GFPT1: variants seen among roughly 807,000 people sequenced by gnomAD.
GFPT1 encodes the protein glutamine--fructose-6-phosphate aminotransferase [isomerizing] 1.
GFPT1 carries 40 observed loss-of-function variants against 92.0 expected under a neutral mutation model. The observed-to-expected ratio is 0.43, with a 90% CI of 0.34 to 0.57. The LOEUF (loss-of-function observed/expected upper bound fraction) is 0.57, where lower values mean the gene tolerates loss of function less well. Among genes scored for constraint, GFPT1 ranks in the 20% least tolerant of loss-of-function variants. GFPT1 has a pLI of 0.02. For missense variants in GFPT1, 448 were observed against 869.1 expected, an observed-to-expected ratio of 0.52 and a Z score of 6.09; for synonymous variants, 269 against 280.6, an observed-to-expected ratio of 0.96 and a Z score of 0.41.
intron 5 of GFPT1, among the ~76,000 whole-genome samples, chr2:69,358,909 C>T (rs73937254): frequency 0.023 from 3,442 of 152,180 alleles, 137 homozygotes; most frequent in African/African-American, 0.077. Context: ...TAGCTATTTA[C>T]GACATAAAAC....
Position 69,365,257 on chromosome 2 carries a change from CA to C in GFPT1, c.224-1588del, listed in dbSNP as rs369115433. Among the ~76,000 whole-genome samples, 532 of 152,170 alleles carry C rather than the reference CA, an allele frequency of 3.5e-3. 3 individuals are homozygous for C. Among genetic ancestry groups the C allele is most frequent in the African/African-American group, 0.012 (514 of 41,520 alleles). ...CTTTGGGAGGCTGAGGCAGGTGGAT[CA>C]CCAGAGGTCAGGAGTTTAAGACCAG... On this transcript the variant is annotated intron_variant, in intron 3 of 19. Transcript: ENST00000357308.
chr2:69,328,970 G>T (rs1328460954), intron 17 of GFPT1, among the ~76,000 whole-genome samples: 3 of 152,122 alleles, frequency 2.0e-5, no homozygotes, highest in African/African-American at 7.2e-5. Context: ...CTCCCAAAGT[G>T]CTGGGATTAT....
chr2:69,327,765 G>T (rs1005485659), intron 18 of GFPT1, among the ~76,000 whole-genome samples: 1 of 152,134 alleles, frequency 6.6e-6, no homozygotes, highest in African/African-American at 2.4e-5. Context: ...TTCTGGTCTT[G>T]GTTCTGCCCA....
chr2:69,377,557 G>A (rs1243805908), intron 1 of GFPT1, among the ~76,000 whole-genome samples: 1 of 151,750 alleles, frequency 6.6e-6, no homozygotes, highest in African/African-American at 2.4e-5. Context: ...CTACTCGGGA[G>A]GCTGAGGCAC....
In GFPT1 at chr2:69,321,929, T is replaced by C. The variant is rs372862489; in HGVS notation, c.*4260A>G. ...TAATTTTACAATCGTACTTTCACTA[T>C]GATTTTTATTTTAACCCTGGATATT... On this transcript the variant is annotated 3_prime_UTR_variant, in exon 20 of 20. Coordinates refer to ENST00000357308, the MANE Select transcript of GFPT1 (RefSeq NM_001244710.2). 8.5e-5 allele frequency: 13 copies of C among 152,336 alleles called. No homozygotes were observed. Among genetic ancestry groups the C allele is most frequent in the African/African-American group, 2.9e-4 (12 of 41,586 alleles). The allele number at this position is 152,336 out of a possible 1,614,324, so 9.4% of individuals were successfully genotyped here. A position where few individuals can be genotyped will look rare whatever the true frequency, so the allele number is the denominator to read the frequency against.
intron 11 of GFPT1, among the ~76,000 whole-genome samples, chr2:69,346,578 A>G (rs1671087914): frequency 6.6e-6 from 1 of 152,092 alleles, no homozygotes; most frequent in African/African-American, 2.4e-5. Context: ...AACCCACCCA[A>G]ACTGTAGTTC....
At chr2:69,369,195 G>C (rs1213212962) in intron 3 of GFPT1, among the ~76,000 whole-genome samples, 1 of 149,122 alleles carries the variant, frequency 6.7e-6, no homozygotes, top group Non-Finnish European at 1.5e-5. Flanking sequence ...AATAAGTATT[G>C]ATTTAATTCG....
Position 69,326,122 on chromosome 2 carries a change from T to C in GFPT1, c.*67A>G, listed in dbSNP as rs1670524686. On this transcript the variant is annotated 3_prime_UTR_variant, in exon 20 of 20. Coordinates refer to ENST00000357308, the MANE Select transcript of GFPT1 (RefSeq NM_001244710.2). The stretch of plus-strand genomic sequence containing the variant: ...CAAGGGGTGATATTTTAAATCAAGG[T>C]TTTAAATACAAAAGGTGTCTTGTGT... The C allele has an allele frequency of 9.7e-7, 1 of 1,026,422 alleles. No individual in the cohort carries two copies. The highest frequency in any genetic ancestry group is 1.5e-6 in the Non-Finnish European group (1 of 662,796). 63.6% of individuals were successfully genotyped at this position (1,026,422 alleles called of 1,614,324 possible).
chr2:69,345,864 C>G, intron 12 of GFPT1, 40 bp downstream of exon 12: 1 of 1,116,866 alleles, frequency 9.0e-7, no homozygotes. Flanking sequence ...CTCCTACTGT[C>G]AGAGACACTG....
At chr2:69,333,156 T>A (rs764649417) in intron 15 of GFPT1, among the ~76,000 whole-genome samples, 35 of 152,156 alleles carry the variant, frequency 2.3e-4, no homozygotes, top group Admixed American at 1.1e-3. Context: ...CTACTGTGGT[T>A]TACTTTTCAA....
In GFPT1 at chr2:69,321,186, C is replaced by T. The variant is rs1670395116; in HGVS notation, c.*5003G>A. The T allele has an allele frequency of 6.6e-6, 1 of 152,006 alleles. No individual in the cohort carries two copies. 9.4% of individuals were successfully genotyped at this position (152,006 alleles called of 1,614,324 possible). On this transcript the variant is annotated 3_prime_UTR_variant, in exon 20 of 20. Coordinates refer to ENST00000357308, the MANE Select transcript of GFPT1 (RefSeq NM_001244710.2). ...CTTAAAAGTTTTAATCATTGCATAC[C>T]CCGTAAACTTCCTATAAACAATATG...
chr2:69,382,277 A>G (rs1417805719), intron 1 of GFPT1, among the ~76,000 whole-genome samples: 1 of 152,190 alleles, frequency 6.6e-6, no homozygotes, highest in Non-Finnish European at 1.5e-5. Flanking sequence ...TTATTATTCA[A>G]TGATCTAGAA....
At chr2:69,327,121 A>C in intron 18 of GFPT1, 46 bp from the exon 19 acceptor site, 1 of 1,582,350 alleles carries the variant, frequency 6.3e-7, no homozygotes, top group Non-Finnish European at 8.7e-7. Context: ...TGGTGGGCAA[A>C]GGCAGGGCTA....
At chr2:69,333,237 T>G (rs1458369975) in intron 15 of GFPT1, among the ~76,000 whole-genome samples, 1 of 152,208 alleles carries the variant, frequency 6.6e-6, no homozygotes, top group Non-Finnish European at 1.5e-5. Flanking sequence ...TTAAACTGTT[T>G]CCAATCCAAA....
chr2:69,345,692 A>G (rs1671065397), intron 12 of GFPT1, among the ~76,000 whole-genome samples: 1 of 152,080 alleles, frequency 6.6e-6, no homozygotes, highest in Admixed American at 6.6e-5. Context: ...CCATTAATCT[A>G]CTTTCTCTTT....
chr2:69,331,315 T>A (rs1670657859), intron 15 of GFPT1, among the ~76,000 whole-genome samples: 1 of 152,194 alleles, frequency 6.6e-6, no homozygotes, highest in Non-Finnish European at 1.5e-5. Context: ...GTTCCTCACC[T>A]GTTTTTCAAC....
chr2:69,359,286 T>TC lies in GFPT1; in HGVS notation c.389_390insG (p.Asp131ArgfsTer12). On this transcript the variant is annotated frameshift_variant, in exon 5 of 20. Transcript: ENST00000357308. LOFTEE classifies it high-confidence loss of function. ...TACTTACCAAAAACTTTTTCAAGTC[T>TC]TTGTAGTTGGTGATGATTCCATTGT... The TC allele has an allele frequency of 6.3e-7, 1 of 1,582,132 alleles. No individual in the cohort carries two copies. The highest frequency in any genetic ancestry group is 2.2e-5 in the East Asian group (1 of 44,714).
Position 69,326,198 on chromosome 2 carries a change from A to G in GFPT1, c.2091T>C (p.Thr697=), listed in dbSNP as rs138932195. 1.3e-6 allele frequency: 2 copies of G among 1,597,184 alleles called. No individual in the cohort carries two copies. The highest frequency in any genetic ancestry group is 1.7e-4 in the Middle Eastern group (1 of 6,002). The part of the protein sequence containing the change: ...DFPRNLAKSV[T]VE ...TTTGTATAGATATTCCTCACTCTAC[A>G]GTCACAGATTTGGCAAGATTCCGTG... The change falls in exon 20 of 20, where the codon ACT becomes ACC. Residue 697 remains threonine, a synonymous_variant. Coordinates refer to ENST00000357308, the MANE Select transcript of GFPT1 (RefSeq NM_001244710.2).
At chr2:69,341,482 T>C (rs1418364453) in intron 13 of GFPT1, among the ~76,000 whole-genome samples, 1 of 152,194 alleles carries the variant, frequency 6.6e-6, no homozygotes, top group East Asian at 1.9e-4. Flanking sequence ...GTCAGGAACT[T>C]TGGAAGTCAA....
Sources: allele counts gnomAD v4.1 joint callset (sites outside exome capture counted in the v4.1 genomes callset), GRCh38; gene constraint gnomAD v4.1.1; transcripts MANE v1.5; gene names NCBI Gene and HGNC (gene_info 2026-07-23, HGNC 2026-07-21).